The following ZNF365 variants were observed in gnomAD, a reference collection of about 807,000 sequenced individuals.
ZNF365 encodes zinc finger protein 365, also known as protein ZNF365.
A neutral mutation model predicts 35.0 loss-of-function variants in ZNF365; 22 were observed. That is an observed-to-expected ratio of 0.63 (90% confidence interval 0.45 to 0.90). The LOEUF is 0.90. Ranked by LOEUF, ZNF365 falls within the 40% of genes least tolerant of loss-of-function variation. ZNF365 has a pLI of 0.00. For missense variants in ZNF365, 448 were observed against 500.3 expected (o/e 0.90, Z 1.00); for synonymous variants, 188 against 196.2 (o/e 0.96, Z 0.35).
intron 3 of ZNF365, among the ~76,000 whole-genome samples, chr10:62,459,227 A>G (rs1194493156): frequency 6.6e-6 from 1 of 152,226 alleles, no homozygotes; most frequent in African/African-American, 2.4e-5. Flanking sequence ...GGAGAAAACC[A>G]TGACTCACAT....
intron 3 of ZNF365, among the ~76,000 whole-genome samples, chr10:62,395,504 A>ATTTTTTTTT (rs67866839): frequency 0.018 from 1,772 of 98,206 alleles, no homozygotes; most frequent in African/African-American, 0.021. Context: ...CACCCGGCTA[A>ATTTTTTTTT]TTTTTTTTTT....
downstream of ZNF365, among the ~76,000 whole-genome samples, chr10:62,403,606 T>C (rs546956874): frequency 3.2e-3 from 487 of 152,140 alleles, no homozygotes; most frequent in Non-Finnish European, 4.9e-3. Context: ...TGCAGTGAGC[T>C]GAGATCGCGC....
At chr10:62,408,598 A>G (rs1369358364) in intron 3 of ZNF365, among the ~76,000 whole-genome samples, 1 of 152,170 alleles carries the variant, frequency 6.6e-6, no homozygotes, top group Non-Finnish European at 1.5e-5. Flanking sequence ...AGTACTTAAT[A>G]TATTTGTTTA....
rs1839840076 is a variant in ZNF365, at chr10:62,402,143, G to A, written c.*2354G>A. 1.2e-5 allele frequency: 12 copies of A among 985,782 alleles called. No individual in the cohort carries two copies. Among genetic ancestry groups the A allele is most frequent in the Non-Finnish European group, 1.4e-5 (12 of 829,924 alleles). The allele number at this position is 985,782 out of a possible 1,614,324, so 61.1% of individuals were successfully genotyped here. A position where few individuals can be genotyped will look rare whatever the true frequency, so the allele number is the denominator to read the frequency against. The stretch of plus-strand genomic sequence containing the variant: ...ATGGGCCGTTGACCTTAGAGTTAAG[G>A]CGGTTGCTTTTTTGAAGAAATCACC... On this transcript the variant is annotated 3_prime_UTR_variant, in exon 5 of 5. Transcript: ENST00000395254.
intron 3 of ZNF365, among the ~76,000 whole-genome samples, chr10:62,414,472 G>T (rs1840041594): frequency 6.6e-6 from 1 of 152,056 alleles, no homozygotes; most frequent in Admixed American, 6.5e-5. Flanking sequence ...GCCTCCCAAA[G>T]TGCTGGCAAG....
chr10:62,389,035 A>G (rs1243883065), intron 3 of ZNF365, among the ~76,000 whole-genome samples: 2 of 152,114 alleles, frequency 1.3e-5, no homozygotes, highest in African/African-American at 4.8e-5. Context: ...AACAGTCTCT[A>G]TAAGTTAAAA....
chr10:62,445,373 C>G (rs935404497), intron 3 of ZNF365, among the ~76,000 whole-genome samples: 1 of 151,652 alleles, frequency 6.6e-6, no homozygotes, highest in South Asian at 2.1e-4. Flanking sequence ...AATGGTTGAA[C>G]TAGTTTACAG....
Position 62,402,353 on chromosome 10 carries a change from G to A in ZNF365, c.*2564G>A. On this transcript the variant is annotated 3_prime_UTR_variant, in exon 5 of 5. Transcript: ENST00000395254. The stretch of plus-strand genomic sequence containing the variant: ...ACATTGTTTTCCAGTATTCTGCAGG[G>A]CCAGTCAGTTGTACAGAAGTTGGAA... The A allele has an allele frequency of 1.0e-6, 1 of 985,488 alleles. No homozygotes were observed. Among genetic ancestry groups the A allele is most frequent in the Non-Finnish European group, 1.2e-6 (1 of 829,910 alleles). 61.0% of individuals were successfully genotyped at this position (985,488 alleles called of 1,614,324 possible). A position where few individuals can be genotyped will look rare whatever the true frequency, so the allele number is the denominator to read the frequency against.
chr10:62,402,448 T>A lies in ZNF365; in HGVS notation c.*2659T>A. ...ATGATAATAAAGCTATATTTCTGAC[T>A]AATGTGTTGATATGTTTTGTCTAGT... On this transcript the variant is annotated 3_prime_UTR_variant, in exon 5 of 5. Coordinates refer to ENST00000395254, the MANE Select transcript of ZNF365 (RefSeq NM_014951.3). 1.0e-6 allele frequency: 1 copy of A among 985,178 alleles called. No homozygotes were observed. The highest frequency in any genetic ancestry group is 1.2e-6 in the Non-Finnish European group (1 of 829,606). 61.0% of individuals were successfully genotyped at this position (985,178 alleles called of 1,614,324 possible).
intron 4 of ZNF365, among the ~76,000 whole-genome samples, chr10:62,464,722 T>C (rs1194823440): frequency 6.6e-6 from 1 of 152,252 alleles, no homozygotes; most frequent in Non-Finnish European, 1.5e-5. Flanking sequence ...ATAATAATTT[T>C]AGAGCTGGGG....
intron 3 of ZNF365, among the ~76,000 whole-genome samples, chr10:62,415,643 G>A (rs1002961089): frequency 1.3e-5 from 2 of 152,126 alleles, no homozygotes; most frequent in African/African-American, 2.4e-5. Flanking sequence ...GCTACTTTGT[G>A]TTTCATATGT....
chr10:62,470,277 C>A (rs1841012921), intron 4 of ZNF365, among the ~76,000 whole-genome samples: 1 of 152,206 alleles, frequency 6.6e-6, no homozygotes, highest in East Asian at 1.9e-4. Context: ...TCCATTATCA[C>A]CCCTGGGAGT....
At chr10:62,393,561 G>C (rs544127782) in intron 3 of ZNF365, among the ~76,000 whole-genome samples, 1 of 152,328 alleles carries the variant, frequency 6.6e-6, no homozygotes, top group South Asian at 2.1e-4. Flanking sequence ...GTACATGACT[G>C]TGTATATGTG....
chr10:62,392,927 C>T (rs575221601), intron 3 of ZNF365, among the ~76,000 whole-genome samples: 9 of 152,312 alleles, frequency 5.9e-5, no homozygotes, highest in South Asian at 4.1e-4. Flanking sequence ...CCACCGCACC[C>T]GGCCCTATGT....
Position 62,452,430 on chromosome 10 carries a change from C to T in ZNF365, c.925-7311C>T, listed in dbSNP as rs142730769. Among the ~76,000 whole-genome samples, 808 of 152,274 alleles carry T rather than the reference C, an allele frequency of 5.3e-3. 9 individuals are homozygous for T. The highest frequency in any genetic ancestry group is 9.2e-3 in the Admixed American group (140 of 15,300). ...TTTTATGGTTAACTGGAGAACAGAT[C>T]GTGTTCTCTAGAATCTTACACTGAC... On this transcript the variant is annotated intron_variant, in intron 3 of 4. Coordinates refer to the ZNF365 transcript ENST00000395255.
rs1839817797 is a variant in ZNF365 at position 62,400,913 on chromosome 10, G to A, written c.*1124G>A. ...TTTCTGAAATAAACAATGCATGTAG[G>A]AGCCAGAATCTGACACTGTCTTCCC... On this transcript the variant is annotated 3_prime_UTR_variant, in exon 5 of 5. Coordinates refer to ENST00000395254, the MANE Select transcript of ZNF365 (RefSeq NM_014951.3). 1.0e-6 allele frequency: 1 copy of A among 985,346 alleles called. No homozygotes were observed. The highest frequency in any genetic ancestry group is 6.2e-5 in the Admixed American group (1 of 16,252). The allele number at this position is 985,346 out of a possible 1,614,324, so 61.0% of individuals were successfully genotyped here.
chr10:62,474,837 G>A (rs1235480028), intron 4 of ZNF365, among the ~76,000 whole-genome samples: 1 of 152,198 alleles, frequency 6.6e-6, no homozygotes, highest in Non-Finnish European at 1.5e-5. Flanking sequence ...CAGTGGAGTA[G>A]CTCCAGTTCA....
At chr10:62,452,999 T>A (rs1046011714) in intron 3 of ZNF365, among the ~76,000 whole-genome samples, 2 of 152,318 alleles carry the variant, frequency 1.3e-5, no homozygotes, top group African/African-American at 2.4e-5. Context: ...AACATTTTTT[T>A]AAATAATAAA....
chr10:62,410,054 T>C (rs1564578710), intron 3 of ZNF365, among the ~76,000 whole-genome samples: 1 of 152,158 alleles, frequency 6.6e-6, no homozygotes, highest in Non-Finnish European at 1.5e-5. Context: ...CTCTGTCCCA[T>C]GGCACTATGT....
Sources: gnomAD v4.1 joint callset for allele counts (sites outside exome capture counted in the v4.1 genomes callset) on GRCh38, gnomAD v4.1.1 for gene constraint, MANE v1.5 for transcripts, NCBI Gene and HGNC (gene_info 2026-07-23, HGNC 2026-07-21) for gene names.